The following DUSP11 variants were observed in gnomAD, a reference collection of about 807,000 sequenced individuals.
The protein encoded by DUSP11 is dual specificity phosphatase 11.
In DUSP11, 27 loss-of-function variants were observed where a neutral mutation model predicts 41.4. That is an observed-to-expected ratio of 0.65 (90% CI 0.48 to 0.90). DUSP11 has a LOEUF of 0.90. Ranked by LOEUF, DUSP11 falls within the 40% of genes least tolerant of loss-of-function variation. DUSP11 has a pLI of 0.00. For missense variants in DUSP11, 465 were observed against 461.1 expected (o/e 1.01, Z -0.08); for synonymous variants, 188 against 159.3 (o/e 1.18, Z -1.35).
At chr2:73,764,903 T>G (rs1320185672) in intron 8 of DUSP11, among the ~76,000 whole-genome samples, 2 of 151,884 alleles carry the variant, frequency 1.3e-5, no homozygotes, top group Non-Finnish European at 2.9e-5. Context: ...GAGGTGGAGG[T>G]TGCAGTGAGC....
intron 2 of DUSP11, among the ~76,000 whole-genome samples, chr2:73,776,632 G>C (rs111885669): frequency 6.6e-6 from 1 of 151,958 alleles, no homozygotes; most frequent in African/African-American, 2.4e-5. Flanking sequence ...TTAGGTATGC[G>C]TGATTCATTC....
intron 4 of DUSP11, 165 bp downstream of exon 4, chr2:73,773,634 AT>A: frequency 1.5e-6 from 1 of 668,924 alleles, no homozygotes. Flanking sequence ...ATTATTTGTG[AT>A]CAACAAAAGG....
At chr2:73,763,963 C>T (rs1356977464) in intron 8 of DUSP11, among the ~76,000 whole-genome samples, 1 of 152,202 alleles carries the variant, frequency 6.6e-6, no homozygotes, top group Admixed American at 6.5e-5. Flanking sequence ...ACATTCTCCA[C>T]TGTTAGAAAT....
intron 7 of DUSP11, 25 bp from the exon 8 acceptor site, chr2:73,766,619 A>G: frequency 1.3e-6 from 2 of 1,580,576 alleles, no homozygotes; most frequent in Non-Finnish European, 1.7e-6. Flanking sequence ...TTTCCACACA[A>G]TATTACTGGT....
chr2:73,764,041 T>C (rs1672412718), intron 8 of DUSP11, among the ~76,000 whole-genome samples: 2 of 152,236 alleles, frequency 1.3e-5, no homozygotes, highest in African/African-American at 4.8e-5. Context: ...CATATACTAC[T>C]GTATCCTGAG....
At chr2:73,774,375 G>A (rs1672640991) in intron 3 of DUSP11, among the ~76,000 whole-genome samples, 1 of 152,128 alleles carries the variant, frequency 6.6e-6, no homozygotes, top group Non-Finnish European at 1.5e-5. Context: ...GAGAAAAGTA[G>A]ATACAGATAA....
chr2:73,772,081 A>G (rs1573181898), intron 4 of DUSP11, among the ~76,000 whole-genome samples: 1 of 151,970 alleles, frequency 6.6e-6, no homozygotes, highest in Admixed American at 6.6e-5. Flanking sequence ...CGGCCTCCCA[A>G]AGTGCTGGGA....
chr2:73,780,130 C>A (rs551486024), exon 1 of DUSP11: 3 of 1,552,976 alleles, frequency 1.9e-6, no homozygotes, highest in East Asian at 2.4e-5. Flanking sequence ...CACCGCCGGT[C>A]GTGATGGCGT....
Position 73,775,174 on chromosome 2 carries a change from G to C in DUSP11, c.319-130C>G, listed in dbSNP as rs112410941. On this transcript the variant is annotated intron_variant, in intron 2 of 8. Coordinates refer to ENST00000272444, the Ensembl canonical transcript of DUSP11. ...AAAGTTTCCATTCTCCTGGAACATAGAAGGTATATTACAACAATCCTTTCT... is the reference window on the plus strand; with the variant it reads ...AAAGTTTCCATTCTCCTGGAACATACAAGGTATATTACAACAATCCTTTCT... The C allele has an allele frequency of 1.1e-3, 806 of 758,200 alleles. 7 individuals carry two copies. The African/African-American group carries it at 0.013, about 12-fold the overall frequency. 47.0% of individuals were successfully genotyped at this position (758,200 alleles called of 1,614,324 possible).
intron 4 of DUSP11, among the ~76,000 whole-genome samples, chr2:73,770,527 AAG>A (rs1415130763): frequency 6.6e-6 from 1 of 151,904 alleles, no homozygotes; most frequent in Non-Finnish European, 1.5e-5. Flanking sequence ...AAAAAAAAAA[AAG>A]AAAGAAAAAA....
At chr2:73,770,718 G>A (rs144575422) in intron 4 of DUSP11, among the ~76,000 whole-genome samples, 2 of 152,200 alleles carry the variant, frequency 1.3e-5, no homozygotes, top group East Asian at 3.9e-4. Context: ...ATGGCATTTA[G>A]AATCCTTCAT....
At position 73,762,821 on chromosome 2, in the gene DUSP11, T is replaced by C. The variant is rs749051316; in HGVS notation, c.974A>G (p.His325Arg). The change falls in exon 9 of 9, where the codon CAT becomes CGT. Residue 325 changes from histidine (H) to arginine (R), a missense_variant. Transcript: ENST00000272444. ...TCCAGGGGGACCAGGAGGAGGGAGA[T>C]GGTGTCTCTGGTAAACATGTGGATT... 3.7e-6 allele frequency: 6 copies of C among 1,608,318 alleles called. No homozygotes were observed. In the East Asian group the frequency reaches 1.1e-4, roughly 30 times the overall value.
At chr2:73,774,885 G>C (rs772724561) in intron 3 of DUSP11, 28 bp downstream of exon 3, 2 of 1,494,390 alleles carry the variant, frequency 1.3e-6, no homozygotes, top group Non-Finnish European at 1.8e-6. Flanking sequence ...AAGGAAGAAA[G>C]TTCTTTTCAT....
At chr2:73,766,875 T>A (rs1299106613) in exon 7 of DUSP11, 1 of 1,613,434 alleles carries the variant, frequency 6.2e-7, no homozygotes, top group African/African-American at 1.3e-5. Context: ...TTTGTCTTTC[T>A]AAGCAATGTC....
At chr2:73,772,579 G>A (rs778263332) in intron 4 of DUSP11, among the ~76,000 whole-genome samples, 4 of 152,164 alleles carry the variant, frequency 2.6e-5, no homozygotes, top group Admixed American at 6.5e-5. Flanking sequence ...CAGATGAAGT[G>A]CTATATAAAA....
chr2:73,779,878 C>T, exon 1 of DUSP11: 1 of 1,614,142 alleles, frequency 6.2e-7, no homozygotes, highest in Non-Finnish European at 8.5e-7. Context: ...TACTACCTTT[C>T]GGGGATGTGG....
chr2:73,767,070 ACTT>A (rs1409557082), intron 6 of DUSP11, 88 bp downstream of exon 6: 31 of 1,398,902 alleles, frequency 2.2e-5, no homozygotes, highest in Admixed American at 2.0e-4. Context: ...CGAATTACAA[ACTT>A]CTTTTTTTCC....
chr2:73,775,626 C>A (rs549873344), intron 2 of DUSP11, among the ~76,000 whole-genome samples: 2 of 149,196 alleles, frequency 1.3e-5, no homozygotes, highest in Admixed American at 1.3e-4. Context: ...GAGGCCAAGG[C>A]GGGAGGATCA....
At chr2:73,773,776 G>T in intron 4 of DUSP11, 24 bp downstream of exon 4, 1 of 1,595,272 alleles carries the variant, frequency 6.3e-7, no homozygotes. Context: ...GCACACCACA[G>T]TTCAGGTAAG....
Sources: allele counts gnomAD v4.1 joint callset (sites outside exome capture counted in the v4.1 genomes callset), GRCh38; gene constraint gnomAD v4.1.1; transcripts MANE v1.5; gene names NCBI Gene and HGNC (gene_info 2026-07-23, HGNC 2026-07-21).